PRIM2: variants seen among roughly 807,000 people sequenced by gnomAD.
PRIM2 encodes the protein DNA primase subunit 2, also known as DNA primase large subunit.
A neutral mutation model predicts 67.3 loss-of-function variants in PRIM2; 39 were observed. The ratio of observed to expected loss-of-function variants is 0.58; its 90% CI spans 0.45 to 0.76. The LOEUF (loss-of-function observed/expected upper bound fraction) is 0.76. Among genes scored for constraint, PRIM2 ranks in the 30% least tolerant of loss-of-function variants. The pLI is 0.00. For missense variants in PRIM2, 398 were observed against 598.7 expected (o/e 0.66, Z 3.50); for synonymous variants, 143 against 198.7 (o/e 0.72, Z 2.36).
At chr6:57,511,482 GAATTAAATAC>G (rs1364486348) in intron 8 of PRIM2, among the ~76,000 whole-genome samples, 1 of 152,046 alleles carries the variant, frequency 6.6e-6, no homozygotes, top group Non-Finnish European at 1.5e-5. Flanking sequence ...TTTTCTATCA[GAATTAAATAC>G]AATGTACATA....
intron 13 of PRIM2, among the ~76,000 whole-genome samples, chr6:57,640,037 A>G (rs1417204851): frequency 2.0e-5 from 3 of 152,194 alleles, no homozygotes; most frequent in Non-Finnish European, 4.4e-5. Context: ...CTTATCTACC[A>G]TGATCAAGTC....
upstream of PRIM2, among the ~76,000 whole-genome samples, chr6:57,316,975 C>T (rs1397057482): frequency 6.6e-6 from 1 of 152,244 alleles, no homozygotes; most frequent in Non-Finnish European, 1.5e-5. Flanking sequence ...CTGTGCGAGG[C>T]ATTGCCGGAG....
intron 7 of PRIM2, among the ~76,000 whole-genome samples, chr6:57,406,590 A>C (rs1325718887): frequency 6.6e-6 from 1 of 152,134 alleles, no homozygotes; most frequent in East Asian, 1.9e-4. Flanking sequence ...TGTAAGTTCA[A>C]ATAAAAAATA....
intron 10 of PRIM2, among the ~76,000 whole-genome samples, chr6:57,559,062 C>G (rs1213536336): frequency 6.6e-6 from 1 of 150,544 alleles, no homozygotes; most frequent in Admixed American, 6.6e-5. Flanking sequence ...CCCAGGAGTT[C>G]AAGGTTACAG....
chr6:57,237,568 A>C, the PRIM2 span, among the ~76,000 whole-genome samples: 1 of 152,152 alleles, frequency 6.6e-6, no homozygotes, highest in Non-Finnish European at 1.5e-5. Flanking sequence ...GTAAGTCTTT[A>C]ATCCACTTTG....
At chr6:57,393,572 G>A (rs1458589366) in intron 7 of PRIM2, among the ~76,000 whole-genome samples, 1 of 152,158 alleles carries the variant, frequency 6.6e-6, no homozygotes, top group Admixed American at 6.5e-5. Flanking sequence ...TCCTTTGTCA[G>A]ATGTATAGAT....
chr6:57,524,061 A>T (rs1181733461), intron 8 of PRIM2, among the ~76,000 whole-genome samples: 1 of 152,000 alleles, frequency 6.6e-6, no homozygotes, highest in African/African-American at 2.4e-5. Flanking sequence ...TTTAGTGTGG[A>T]TGTGATTAAT....
chr6:57,307,148 G>A, the PRIM2 span, among the ~76,000 whole-genome samples: 2 of 151,926 alleles, frequency 1.3e-5, no homozygotes, highest in Non-Finnish European at 2.9e-5. Flanking sequence ...GCAGTGAGCC[G>A]AGATCAAGAT....
chr6:57,536,078 T>C (rs1371586973), intron 9 of PRIM2, among the ~76,000 whole-genome samples: 1 of 152,088 alleles, frequency 6.6e-6, no homozygotes, highest in East Asian at 1.9e-4. Context: ...CAAGGGAGGA[T>C]ATAGGTCTGA....
At chr6:57,532,805 T>C (rs1774920152) in intron 9 of PRIM2, among the ~76,000 whole-genome samples, 2 of 152,080 alleles carry the variant, frequency 1.3e-5, no homozygotes, top group African/African-American at 2.4e-5. Flanking sequence ...AAACACTAAG[T>C]GTATTAGTTT....
At chr6:57,292,804 G>T in the PRIM2 span, among the ~76,000 whole-genome samples, 5 of 152,156 alleles carry the variant, frequency 3.3e-5, no homozygotes, top group Non-Finnish European at 5.9e-5. Context: ...AGCTGAAACT[G>T]GATCCCTTCC....
chr6:57,389,398 A>G (rs1770256866), intron 7 of PRIM2, among the ~76,000 whole-genome samples: 1 of 152,196 alleles, frequency 6.6e-6, no homozygotes, highest in African/African-American at 2.4e-5. Flanking sequence ...TACAGGCATG[A>G]GTCACCATGC....
At chr6:57,289,121 G>A in the PRIM2 span, among the ~76,000 whole-genome samples, 1 of 152,152 alleles carries the variant, frequency 6.6e-6, no homozygotes. Context: ...TGACTTGATG[G>A]AGCTGAAAAC....
At chr6:57,385,597 T>G (rs1770117553) in intron 7 of PRIM2, among the ~76,000 whole-genome samples, 2 of 152,218 alleles carry the variant, frequency 1.3e-5, no homozygotes. Flanking sequence ...GTTTTCTCAA[T>G]CACATTCCAC....
intron 10 of PRIM2, among the ~76,000 whole-genome samples, chr6:57,572,414 G>A (rs1775879779): frequency 1.3e-5 from 2 of 152,232 alleles, no homozygotes; most frequent in African/African-American, 4.8e-5. Flanking sequence ...TCCTTTGCAC[G>A]TTGTGTCACC....
At chr6:57,337,536 A>G (rs1198269330) in intron 5 of PRIM2, among the ~76,000 whole-genome samples, 1 of 152,108 alleles carries the variant, frequency 6.6e-6, no homozygotes, top group Non-Finnish European at 1.5e-5. Context: ...CAATCAAACT[A>G]GAACTCAGGA....
At chr6:57,304,360 GTAT>G in the PRIM2 span, among the ~76,000 whole-genome samples, 5 of 152,110 alleles carry the variant, frequency 3.3e-5, no homozygotes, top group Non-Finnish European at 7.4e-5. Context: ...TGCCAATACT[GTAT>G]TATTATGAAA....
chr6:57,235,970 C>G, the PRIM2 span, among the ~76,000 whole-genome samples: 2 of 152,164 alleles, frequency 1.3e-5, no homozygotes, highest in South Asian at 4.1e-4. Flanking sequence ...AAAGAACCAA[C>G]CCTACTTCCA....
the PRIM2 span, among the ~76,000 whole-genome samples, chr6:57,269,097 T>G: frequency 6.6e-6 from 1 of 152,148 alleles, no homozygotes; most frequent in Non-Finnish European, 1.5e-5. Flanking sequence ...TAAACAAATG[T>G]GTGCATGTGT....
Sources: allele counts gnomAD v4.1 joint callset (sites outside exome capture counted in the v4.1 genomes callset), GRCh38; gene constraint gnomAD v4.1.1; transcripts MANE v1.5; gene names NCBI Gene and HGNC (gene_info 2026-07-23, HGNC 2026-07-21).